The following C11orf65 variants were observed in gnomAD, a reference collection of about 807,000 sequenced individuals.
C11orf65 encodes chromosome 11 open reading frame 65.
In C11orf65, 38 loss-of-function variants were observed where a neutral mutation model predicts 35.3. The observed-to-expected ratio is 1.08, with a 90% CI of 0.83 to 1.41. C11orf65 has a LOEUF of 1.41. Among genes scored for constraint, C11orf65 ranks in the 40% most tolerant of loss-of-function variants. The pLI is 0.00. For synonymous variants in C11orf65, 105 were observed against 114.4 expected (o/e 0.92, Z 0.53); for missense variants, 370 against 367.1 (o/e 1.01, Z -0.06).
At chr11:108,383,230 T>C in intron 8 of C11orf65, 55 bp from the exon 9 acceptor site, 1 of 1,374,806 alleles carries the variant, frequency 7.3e-7, no homozygotes. Flanking sequence ...AGATGCTCAC[T>C]CAAAATGCTA....
intron 7 of C11orf65, among the ~76,000 whole-genome samples, chr11:108,392,067 T>C (rs1468340829): frequency 6.6e-6 from 1 of 152,100 alleles, no homozygotes. Flanking sequence ...TGTGTGTGTG[T>C]GTGTGTGTCT....
At chr11:108,440,939 C>G in intron 2 of C11orf65, among the ~76,000 whole-genome samples, 1 of 152,172 alleles carries the variant, frequency 6.6e-6, no homozygotes, top group East Asian at 1.9e-4. Context: ...TCGGCATTTC[C>G]AAGTGAGGTA....
chr11:108,456,820 AAG>A (rs1242023824), intron 2 of C11orf65, among the ~76,000 whole-genome samples: 2 of 102,778 alleles, frequency 1.9e-5, no homozygotes, highest in African/African-American at 8.9e-5. Context: ...GAAGGAAAGA[AAG>A]AGAAAAAGTC....
chr11:108,394,728 T>C (rs1481345179), intron 6 of C11orf65, among the ~76,000 whole-genome samples: 1 of 152,190 alleles, frequency 6.6e-6, no homozygotes, highest in Non-Finnish European at 1.5e-5. Flanking sequence ...ATAGTGGTGA[T>C]ATGGAGCAAG....
chr11:108,363,728 T>G (rs1565604802), intron 2 of C11orf65, among the ~76,000 whole-genome samples: 1 of 152,212 alleles, frequency 6.6e-6, no homozygotes, highest in Admixed American at 6.5e-5. Context: ...TCCAACCACT[T>G]CTGTCTTGTC....
chr11:108,364,977 A>T (rs1043655559), intron 2 of C11orf65: 1 of 1,326,552 alleles, frequency 7.5e-7, no homozygotes, highest in African/African-American at 1.5e-5. Context: ...CTCCCCCATC[A>T]ACTACCATGT....
chr11:108,313,067 A>G (rs1397583380), intron 6 of C11orf65, among the ~76,000 whole-genome samples: 1 of 152,158 alleles, frequency 6.6e-6, no homozygotes, highest in Non-Finnish European at 1.5e-5. Context: ...TAGAGAGGAA[A>G]TCTCGCCACA....
At chr11:108,349,943 T>G (rs1305297279) in intron 2 of C11orf65, among the ~76,000 whole-genome samples, 1 of 152,180 alleles carries the variant, frequency 6.6e-6, no homozygotes, top group Admixed American at 6.5e-5. Context: ...TAGGAAAGTC[T>G]TAAGCTGGAG....
intron 2 of C11orf65, among the ~76,000 whole-genome samples, chr11:108,445,060 G>C (rs973766614): frequency 2.0e-5 from 3 of 152,192 alleles, no homozygotes; most frequent in African/African-American, 7.2e-5. Flanking sequence ...CTGGAGGAGG[G>C]GTGCCTGCCA....
At chr11:108,389,026 G>A (rs1450264830) in intron 7 of C11orf65, among the ~76,000 whole-genome samples, 1 of 152,254 alleles carries the variant, frequency 6.6e-6, no homozygotes, top group Non-Finnish European at 1.5e-5. Flanking sequence ...TAGAACAAAA[G>A]CCTTTGGGGA....
At position 108,382,773 on chromosome 11, in the gene C11orf65, TCTTTA is replaced by T; in HGVS notation, c.*243_*247del. On this transcript the variant is annotated 3_prime_UTR_variant, in exon 9 of 9. Transcript: ENST00000393084. ...AAGCTTCTTGCACCTAAATGTAGTC[TCTTTA>T]CTTAAGTGTGACTGTTAGAATACTA... 1 of 984,248 alleles carries T rather than the reference TCTTTA, an allele frequency of 1.0e-6. No homozygotes were observed. Among genetic ancestry groups the T allele is most frequent in the Non-Finnish European group, 1.2e-6 (1 of 828,884 alleles). The allele number at this position is 984,248 out of a possible 1,614,324, so 61.0% of individuals were successfully genotyped here.
In C11orf65 at chr11:108,359,442, G is replaced by A. The variant is rs540500952; in HGVS notation, c.227-24150C>T. On this transcript the variant is annotated intron_variant, in intron 2 of 3. Coordinates refer to the C11orf65 transcript ENST00000524755. ...AATTGAACTCAGCTCTGCACCAAGC[G>A]GACCTAATAGACATCTACAGAACTC... Among the ~76,000 whole-genome samples, 1,204 of 151,904 alleles carry A rather than the reference G, an allele frequency of 7.9e-3. 8 individuals are homozygous for A. The highest frequency in any genetic ancestry group is 0.013 in the Non-Finnish European group (851 of 67,922).
intron 3 of C11orf65, chr11:108,332,976 T>G (rs2086445172): frequency 6.6e-7 from 1 of 1,526,636 alleles, no homozygotes; most frequent in Non-Finnish European, 8.9e-7. Context: ...TTATAGAGCC[T>G]AATAAGTAAA....
At chr11:108,378,339 T>C (rs1470356892), downstream of C11orf65, among the ~76,000 whole-genome samples, 17 of 144,176 alleles carry the variant, frequency 1.2e-4, 1 homozygote, top group African/African-American at 4.4e-4. Flanking sequence ...TATCTACAAC[T>C]ATCTGATCTT....
intron 6 of C11orf65, among the ~76,000 whole-genome samples, chr11:108,404,659 G>A (rs1319724928): frequency 4.0e-5 from 6 of 148,246 alleles, no homozygotes; most frequent in East Asian, 2.0e-4. Flanking sequence ...TCAATCTCCC[G>A]ATCTCGTGAT....
chr11:108,383,111 T>A lies in C11orf65; in HGVS notation c.852A>T (p.Gln284His), dbSNP rs1376904804. 1 of 1,612,346 alleles carries A rather than the reference T, an allele frequency of 6.2e-7. No homozygotes were observed. The highest frequency in any genetic ancestry group is 1.7e-4 in the Middle Eastern group (1 of 6,054). ...YNYGGDISKM[Q>H]MGIPDDTYYE... The stretch of plus-strand genomic sequence containing the variant: ...AGTAAGTATCATCTGGTATTCCCAT[T>A]TGCATCTTTGATATGTCTCCTCCAT... The change falls in exon 9 of 9, where the codon CAA becomes CAT. Residue 284 changes from glutamine (Q) to histidine (H), a missense_variant. Physicochemically the swap from Gln to His is conservative, Grantham distance 24 (BLOSUM62 0). Coordinates refer to ENST00000393084, the MANE Select transcript of C11orf65 (RefSeq NM_152587.5).
At chr11:108,326,308 A>G (rs1361747090) in intron 6 of C11orf65, 7 of 1,493,506 alleles carry the variant, frequency 4.7e-6, no homozygotes, top group African/African-American at 1.4e-5. Flanking sequence ...TTTAATAACA[A>G]TTTTATTAGA....
At chr11:108,426,289 C>A (rs574994212) in intron 3 of C11orf65, among the ~76,000 whole-genome samples, 3 of 152,196 alleles carry the variant, frequency 2.0e-5, no homozygotes, top group African/African-American at 7.2e-5. Flanking sequence ...TGATAAGCAA[C>A]TTCAACAAAG....
chr11:108,335,922 G>T, intron 2 of C11orf65: 1 of 1,613,768 alleles, frequency 6.2e-7, no homozygotes, highest in Non-Finnish European at 8.5e-7. Context: ...AGAGAAACAC[G>T]GAAACTAGGA....
Sources: allele counts gnomAD v4.1 joint callset (sites outside exome capture counted in the v4.1 genomes callset), GRCh38; gene constraint gnomAD v4.1.1; transcripts MANE v1.5; gene names NCBI Gene and HGNC (gene_info 2026-07-23, HGNC 2026-07-21).